The following PPME1 variants were observed in gnomAD, a reference collection of about 807,000 sequenced individuals.
The protein encoded by PPME1 is protein phosphatase methylesterase 1, also known as testicular secretory protein Li 39.
A neutral mutation model predicts 56.9 loss-of-function variants in PPME1; 17 were observed. That is an observed-to-expected ratio of 0.30 (90% confidence interval 0.20 to 0.45). The LOEUF (loss-of-function observed/expected upper bound fraction) is 0.45. Among genes scored for constraint, PPME1 ranks in the 20% least tolerant of loss-of-function variants. PPME1 has a pLI of 1.00. For synonymous variants in PPME1, 122 were observed against 156.2 expected (o/e 0.78, Z 1.63); for missense variants, 357 against 483.2 (o/e 0.74, Z 2.45).
At chr11:74,180,286 CTG>C (rs1857498099) in intron 1 of PPME1, among the ~76,000 whole-genome samples, 1 of 152,160 alleles carries the variant, frequency 6.6e-6, no homozygotes, top group Non-Finnish European at 1.5e-5. Context: ...TATTGGTCAA[CTG>C]TGTATTCCTC....
chr11:74,209,610 G>A (rs1858420857), intron 3 of PPME1, among the ~76,000 whole-genome samples: 1 of 152,156 alleles, frequency 6.6e-6, no homozygotes, highest in South Asian at 2.1e-4. Flanking sequence ...CTATTGAAGA[G>A]CTTTAGAAAA....
chr11:74,237,192 T>G (rs74546873), intron 8 of PPME1, among the ~76,000 whole-genome samples: 2,242 of 152,212 alleles, frequency 0.015, 28 homozygotes, highest in Non-Finnish European at 0.024. Flanking sequence ...AGAAGCTTCA[T>G]CGGGTTCAGG....
At chr11:74,195,381 T>A (rs547057234) in intron 1 of PPME1, among the ~76,000 whole-genome samples, 23 of 152,330 alleles carry the variant, frequency 1.5e-4, no homozygotes, top group African/African-American at 4.3e-4. Context: ...AATGGAATTA[T>A]ACAGGATTCA....
At chr11:74,171,755 G>T (rs1857240136) in intron 1 of PPME1, among the ~76,000 whole-genome samples, 1 of 152,130 alleles carries the variant, frequency 6.6e-6, no homozygotes, top group South Asian at 2.1e-4. Context: ...TGAGGCAAAG[G>T]TTGGGGAAGC....
chr11:74,238,231 A>T (rs1828821461), intron 8 of PPME1: 1 of 151,764 alleles, frequency 6.6e-6, no homozygotes, highest in African/African-American at 2.4e-5. Context: ...CACAAGTTTC[A>T]TATAAAACAC....
intron 9 of PPME1, among the ~76,000 whole-genome samples, chr11:74,242,909 T>A (rs1310446042): frequency 2.8e-5 from 4 of 144,078 alleles, no homozygotes; most frequent in Admixed American, 2.1e-4. Context: ...AAAAACAGGC[T>A]GGAAGAAATT....
chr11:74,181,517 C>T (rs1857537079), intron 1 of PPME1, among the ~76,000 whole-genome samples: 1 of 152,152 alleles, frequency 6.6e-6, no homozygotes, highest in Non-Finnish European at 1.5e-5. Context: ...TCAGACTTAT[C>T]GAAGATAATT....
At chr11:74,175,937 G>A (rs1320588274) in intron 1 of PPME1, among the ~76,000 whole-genome samples, 1 of 152,102 alleles carries the variant, frequency 6.6e-6, no homozygotes, top group South Asian at 2.1e-4. Context: ...TGCATTGAAG[G>A]GTTTGATATT....
At chr11:74,222,105 A>G (rs966377107) in intron 3 of PPME1, among the ~76,000 whole-genome samples, 1 of 152,232 alleles carries the variant, frequency 6.6e-6, no homozygotes, top group African/African-American at 2.4e-5. Flanking sequence ...AGAGAAAGCC[A>G]TATTTTGAAG....
chr11:74,231,920 T>C (rs1369710774), intron 7 of PPME1, among the ~76,000 whole-genome samples: 1 of 152,264 alleles, frequency 6.6e-6, no homozygotes, highest in Non-Finnish European at 1.5e-5. Context: ...AATCATTTGA[T>C]AAAGTATTTA....
intron 3 of PPME1, among the ~76,000 whole-genome samples, chr11:74,218,066 A>G (rs78129555): frequency 0.061 from 9,290 of 152,264 alleles, 497 homozygotes; most frequent in African/African-American, 0.15. Context: ...GAACTGATCA[A>G]TTTAATAAAG....
intron 1 of PPME1, among the ~76,000 whole-genome samples, chr11:74,181,914 T>C (rs1591015219): frequency 2.0e-5 from 3 of 152,254 alleles, no homozygotes; most frequent in African/African-American, 7.2e-5. Flanking sequence ...AACAACACTT[T>C]ATGGACACTG....
chr11:74,253,699 T>G lies in PPME1; in HGVS notation c.*189T>G. ...CAAAAGCATTGTTTTCCAGGGCCCT[T>G]GACCAACATCGGCTTCCCCAGTCCA... On this transcript the variant is annotated 3_prime_UTR_variant, in exon 14 of 14. Transcript: ENST00000328257. 3 of 656,780 alleles carry G rather than the reference T, an allele frequency of 4.6e-6. No homozygotes were observed. Among genetic ancestry groups the G allele is most frequent in the Non-Finnish European group, 5.4e-6 (2 of 373,810 alleles). The allele number at this position is 656,780 out of a possible 1,614,324, so 40.7% of individuals were successfully genotyped here.
intron 1 of PPME1, among the ~76,000 whole-genome samples, chr11:74,174,332 G>A (rs17132796): frequency 0.13 from 19,956 of 152,098 alleles, 3,595 homozygotes; most frequent in African/African-American, 0.41. Context: ...GTCATCTGGG[G>A]ATACTTATTT....
rs1185379121 is a variant in PPME1 at position 74,203,721 on chromosome 11, TCCTCAGCCC to T, written c.102-6_104del. ...TTCTGAAATGTCTCTCTCTTTTTTT[TCCTCAGCCC>T]TGGAAGAAAGCGGGACTTTTCCCCT... is the stretch of plus-strand genomic sequence containing the variant. On this transcript the variant is annotated splice_acceptor_variant and splice_polypyrimidine_tract_variant and coding_sequence_variant and intron_variant, in exon 2 of 14. Transcript: ENST00000328257. LOFTEE classifies it high-confidence loss of function. 6.2e-7 allele frequency: 1 copy of T among 1,601,550 alleles called. No individual in the cohort carries two copies.
At chr11:74,195,362 A>G (rs530103825) in intron 1 of PPME1, among the ~76,000 whole-genome samples, 6 of 152,274 alleles carry the variant, frequency 3.9e-5, no homozygotes, top group Non-Finnish European at 8.8e-5. Flanking sequence ...GTTTTTGAAC[A>G]CTATTATTAA....
intron 3 of PPME1, among the ~76,000 whole-genome samples, chr11:74,213,022 C>G (rs1276055399): frequency 6.6e-6 from 1 of 152,088 alleles, no homozygotes; most frequent in Non-Finnish European, 1.5e-5. Flanking sequence ...GGTAGAGCAC[C>G]AGGTGGACTC....
At chr11:74,172,872 G>A (rs1007419922) in intron 1 of PPME1, among the ~76,000 whole-genome samples, 1 of 152,160 alleles carries the variant, frequency 6.6e-6, no homozygotes, top group Admixed American at 6.5e-5. Flanking sequence ...TTCTGAAGAA[G>A]TAATATGTGT....
At chr11:74,183,379 AC>A (rs1857590862) in intron 1 of PPME1, among the ~76,000 whole-genome samples, 2 of 152,202 alleles carry the variant, frequency 1.3e-5, no homozygotes, top group African/African-American at 4.8e-5. Flanking sequence ...GTTATATGAA[AC>A]ATTCCATCAC....
Sources: gnomAD v4.1 joint callset for allele counts (sites outside exome capture counted in the v4.1 genomes callset) on GRCh38, gnomAD v4.1.1 for gene constraint, MANE v1.5 for transcripts, NCBI Gene and HGNC (gene_info 2026-07-23, HGNC 2026-07-21) for gene names.